The following TMPRSS11D variants were observed in gnomAD, a reference collection of about 807,000 sequenced individuals.
TMPRSS11D encodes transmembrane protease serine 11D.
A neutral mutation model predicts 44.4 loss-of-function variants in TMPRSS11D; 32 were observed. The ratio of observed to expected loss-of-function variants is 0.72; its 90% CI spans 0.54 to 0.97. The LOEUF is 0.97. Ranked by LOEUF, TMPRSS11D falls within the 50% of genes least tolerant of loss-of-function variation. TMPRSS11D has a pLI of 0.00. For synonymous variants in TMPRSS11D, 179 were observed against 177.9 expected (o/e 1.01, Z -0.05); for missense variants, 446 against 502.6 (o/e 0.89, Z 1.08).
In TMPRSS11D at chr4:67,825,779, C is replaced by T; in HGVS notation, c.1048G>A (p.Gly350Arg). ...PHSYNGAILS[G>R]MLCAGVPQGG... ...TGAGGTACTCCAGCACACAGCATTC[C>T]AGACAAGATGGCTCCATTATAACTA... Residue 350 changes from glycine to arginine, a missense_variant, in exon 9 of 10, where the codon GGA (glycine) becomes AGA (arginine). Physicochemically the swap from Gly to Arg is moderately radical, Grantham distance 125. Coordinates refer to ENST00000283916, the MANE Select transcript of TMPRSS11D (RefSeq NM_004262.3). 6.2e-7 allele frequency: 1 copy of T among 1,613,148 alleles called. No individual in the cohort carries two copies. The highest frequency in any genetic ancestry group is 1.3e-5 in the African/African-American group (1 of 74,952).
At position 67,835,195 on chromosome 4, in the gene TMPRSS11D, A is replaced by G. The variant is rs1718046858; in HGVS notation, c.476-74T>C. The G allele has an allele frequency of 2.9e-6, 4 of 1,371,668 alleles. No individual in the cohort carries two copies. The South Asian group carries it at 3.6e-5, about 12-fold the overall frequency. 85.0% of individuals were successfully genotyped at this position (1,371,668 alleles called of 1,614,324 possible). A position where few individuals can be genotyped will look rare whatever the true frequency, so the allele number is the denominator to read the frequency against. On this transcript the variant is annotated intron_variant, in intron 5 of 9. Coordinates refer to ENST00000283916, the MANE Select transcript of TMPRSS11D (RefSeq NM_004262.3). Reference sequence around the variant, plus strand: ...ATTTCACCATAATTTCTTAAAGTACAGTACCCAGACAACAAGAAGCAGAAT... The same window carrying G: ...ATTTCACCATAATTTCTTAAAGTACGGTACCCAGACAACAAGAAGCAGAAT...
intron 2 of TMPRSS11D, among the ~76,000 whole-genome samples, chr4:67,858,525 C>A (rs1271729192): frequency 1.3e-5 from 2 of 152,050 alleles, no homozygotes. Context: ...GATTGTGTAT[C>A]ATTATTGGTA....
intron 1 of TMPRSS11D, among the ~76,000 whole-genome samples, chr4:67,861,767 T>C (rs1718796093): frequency 6.6e-6 from 1 of 151,940 alleles, no homozygotes; most frequent in Admixed American, 6.6e-5. Flanking sequence ...AAACAAAGGG[T>C]GTGGAGCCCA....
intron 5 of TMPRSS11D, among the ~76,000 whole-genome samples, chr4:67,835,400 T>G (rs962630752): frequency 6.6e-6 from 1 of 152,144 alleles, no homozygotes; most frequent in African/African-American, 2.4e-5. Flanking sequence ...ACTTAATAGA[T>G]ATCTCTTTTT....
chr4:67,834,972 C>A, intron 6 of TMPRSS11D, 111 bp downstream of exon 6: 1 of 954,974 alleles, frequency 1.0e-6, no homozygotes, highest in Middle Eastern at 2.5e-4. Context: ...GAACTAAGAA[C>A]AAAGACATCA....
intron 1 of TMPRSS11D, among the ~76,000 whole-genome samples, chr4:67,862,481 A>G (rs534634993): frequency 6.6e-6 from 1 of 152,240 alleles, no homozygotes; most frequent in South Asian, 2.1e-4. Flanking sequence ...TGGGGGAAGC[A>G]AAGGGAATCA....
chr4:67,883,035 G>A (rs1304349234), intron 1 of TMPRSS11D, among the ~76,000 whole-genome samples: 69 of 151,460 alleles, frequency 4.6e-4, no homozygotes, highest in Admixed American at 4.5e-3. Flanking sequence ...ATATATTCAA[G>A]TGCATATAAC....
intron 1 of TMPRSS11D, among the ~76,000 whole-genome samples, chr4:67,874,218 A>G (rs1301922380): frequency 6.6e-6 from 1 of 152,182 alleles, no homozygotes; most frequent in African/African-American, 2.4e-5. Context: ...AGTATACTCT[A>G]TGATGTCTGC....
chr4:67,836,123 T>C (rs981371389), intron 5 of TMPRSS11D, among the ~76,000 whole-genome samples: 3 of 152,144 alleles, frequency 2.0e-5, no homozygotes, highest in Non-Finnish European at 2.9e-5. Flanking sequence ...ATCTCCAGGT[T>C]CTGCACATCT....
Position 67,838,309 on chromosome 4 carries a change from C to T in TMPRSS11D, c.338G>A (p.Arg113Lys), listed in dbSNP as rs141889463. Residue 113 changes from arginine (R) to lysine (K), a missense_variant, in exon 5 of 10, where the codon AGA (arginine) becomes AAA (lysine). By Grantham distance (26) the Arg-to-Lys change is conservative. Transcript: ENST00000283916. Reference protein sequence around the residue: ...AKLRQDGSGVRADVVMKFQFT... With the variant: ...AKLRQDGSGVKADVVMKFQFT... ...TTGAAATTTCATGACAACATCCGCTCTCACACCACTACCATCTTGCCTGTA... is the reference window on the plus strand; with the variant it reads ...TTGAAATTTCATGACAACATCCGCTTTCACACCACTACCATCTTGCCTGTA... 1.3e-6 allele frequency: 2 copies of T among 1,583,770 alleles called. No homozygotes were observed. The highest frequency in any genetic ancestry group is 1.2e-5 in the South Asian group (1 of 84,402).
At chr4:67,866,165 T>C (rs1718920529) in intron 1 of TMPRSS11D, among the ~76,000 whole-genome samples, 1 of 151,960 alleles carries the variant, frequency 6.6e-6, no homozygotes, top group African/African-American at 2.4e-5. Context: ...AACTGGGTTT[T>C]ATTCCAGGGA....
chr4:67,871,321 G>C (rs1040336090), intron 1 of TMPRSS11D, among the ~76,000 whole-genome samples: 3 of 152,176 alleles, frequency 2.0e-5, no homozygotes, highest in Non-Finnish European at 4.4e-5. Flanking sequence ...AGAATTTTCA[G>C]ATGCTGTTTC....
At chr4:67,844,083 G>A (rs1217566357) in intron 3 of TMPRSS11D, among the ~76,000 whole-genome samples, 1 of 151,960 alleles carries the variant, frequency 6.6e-6, no homozygotes. Flanking sequence ...TGAGATGCAG[G>A]GTCAGATGTA....
intron 1 of TMPRSS11D, among the ~76,000 whole-genome samples, chr4:67,866,146 G>T (rs997306872): frequency 6.6e-6 from 1 of 151,762 alleles, no homozygotes; most frequent in Admixed American, 6.6e-5. Context: ...ATGGTAATAT[G>T]CCATGGTCAA....
intron 1 of TMPRSS11D, among the ~76,000 whole-genome samples, chr4:67,865,739 G>T (rs537557747): frequency 1.3e-5 from 2 of 151,784 alleles, no homozygotes; most frequent in Admixed American, 6.6e-5. Context: ...TAAATTCCTG[G>T]AAACATGTAA....
At chr4:67,872,942 C>T (rs1577832569) in intron 1 of TMPRSS11D, among the ~76,000 whole-genome samples, 1 of 152,068 alleles carries the variant, frequency 6.6e-6, no homozygotes, top group African/African-American at 2.4e-5. Flanking sequence ...TACTCACTTG[C>T]ATTTTTGTTT....
At chr4:67,839,528 T>C (rs1291445942) in intron 4 of TMPRSS11D, among the ~76,000 whole-genome samples, 3 of 152,070 alleles carry the variant, frequency 2.0e-5, no homozygotes, top group African/African-American at 7.2e-5. Flanking sequence ...GGCTTATGTT[T>C]AGCATTTACA....
At chr4:67,828,035 GGTGTGT>G (rs71641425) in intron 7 of TMPRSS11D, among the ~76,000 whole-genome samples, 7 of 137,654 alleles carry the variant, frequency 5.1e-5, no homozygotes, top group South Asian at 4.8e-4. Context: ...TGAAGATTTT[GGTGTGT>G]GTGTGTGTGT....
At chr4:67,874,776 A>G (rs1719143398) in intron 1 of TMPRSS11D, among the ~76,000 whole-genome samples, 1 of 152,198 alleles carries the variant, frequency 6.6e-6, no homozygotes, top group African/African-American at 2.4e-5. Flanking sequence ...CCAGAAATTT[A>G]CTGAAATTAT....
Sources: gnomAD v4.1 joint callset for allele counts (sites outside exome capture counted in the v4.1 genomes callset) on GRCh38, gnomAD v4.1.1 for gene constraint, MANE v1.5 for transcripts, NCBI Gene and HGNC (gene_info 2026-07-23, HGNC 2026-07-21) for gene names.